Variants in NECTIN1 observed in about 807,000 individuals in gnomAD.
NECTIN1 encodes the protein nectin cell adhesion molecule 1, also known as nectin-1.
NECTIN1 carries 23 observed loss-of-function variants against 48.0 expected under a neutral mutation model. The observed-to-expected ratio is 0.48, with a 90% CI of 0.34 to 0.68. The LOEUF (loss-of-function observed/expected upper bound fraction) is 0.68. Among genes scored for constraint, NECTIN1 ranks in the 30% least tolerant of loss-of-function variants. NECTIN1 has a pLI of 0.01. For missense variants in NECTIN1, 591 were observed against 709.9 expected (o/e 0.83, Z 1.90); for synonymous variants, 270 against 288.9 (o/e 0.93, Z 0.66).
chr11:119,668,945 T>C (rs1864821944), intron 5 of NECTIN1, among the ~76,000 whole-genome samples: 1 of 152,184 alleles, frequency 6.6e-6, no homozygotes. Flanking sequence ...TATTGTTACA[T>C]TTGTGCTTTC....
chr11:119,666,883 C>T (rs897670938), intron 5 of NECTIN1, among the ~76,000 whole-genome samples: 5 of 152,088 alleles, frequency 3.3e-5, no homozygotes, highest in Admixed American at 1.3e-4. Context: ...GGAATTTGGG[C>T]GGGAAGGGCT....
Position 119,709,315 on chromosome 11 carries a change from C to G in NECTIN1, c.79+19160G>C, listed in dbSNP as rs751033172. On this transcript the variant is annotated intron_variant, in intron 1 of 5. Coordinates refer to ENST00000264025, the MANE Select transcript of NECTIN1 (RefSeq NM_002855.5). The surrounding 1 kb of genome is among the most constrained non-coding windows in gnomAD (Gnocchi z 4.1). The stretch of plus-strand genomic sequence containing the variant: ...CAGTGTACCAGGGCCTGTCTCAGCC[C>G]CTGAGAATCTGGGATCACCAGCTCC... 1.1e-4 allele frequency among the ~76,000 whole-genome samples: 17 copies of G among 152,298 alleles called. No homozygotes were observed. Among genetic ancestry groups the G allele is most frequent in the Admixed American group, 5.2e-4 (8 of 15,302 alleles).
Position 119,683,442 on chromosome 11 carries a change from T to C in NECTIN1, c.80-4677A>G, listed in dbSNP as rs943329594. 4.0e-5 allele frequency among the ~76,000 whole-genome samples: 6 copies of C among 151,888 alleles called. No individual in the cohort carries two copies. The highest frequency in any genetic ancestry group is 8.8e-5 in the Non-Finnish European group (6 of 67,956). ...GTGGTGTCCCTCCTAGAATATAACC[T>C]CAGTGCCTCCATTGCCCCTTGTGAG... On this transcript the variant is annotated intron_variant, in intron 1 of 5. Coordinates refer to ENST00000264025, the MANE Select transcript of NECTIN1 (RefSeq NM_002855.5). This position sits in a 1 kb window ranked among gnomAD's most constrained non-coding sequence, Gnocchi z 4.0.
At position 119,662,186 on chromosome 11, in the gene NECTIN1, AAGG is replaced by A. The variant is rs1864677655; in HGVS notation, c.*2558_*2560del. On this transcript the variant is annotated 3_prime_UTR_variant, in exon 6 of 6. Transcript: ENST00000264025. This position sits in a 1 kb window ranked among gnomAD's most constrained non-coding sequence, Gnocchi z 5.3. ...AAGCTCAGCTCATGCTGTGGGCATG[AAGG>A]AGAAGCAAAATGTCCTCATCTCTCT... The A allele has an allele frequency of 1.0e-6, 1 of 985,334 alleles. No individual in the cohort carries two copies. Among genetic ancestry groups the A allele is most frequent in the South Asian group, 4.7e-5 (1 of 21,288 alleles). 61.0% of individuals were successfully genotyped at this position (985,334 alleles called of 1,614,324 possible).
Position 119,672,760 on chromosome 11 carries a change from C to T in NECTIN1, c.1003+2399G>A, listed in dbSNP as rs1358897439. 6.6e-6 allele frequency among the ~76,000 whole-genome samples: 1 copy of T among 152,180 alleles called. No individual in the cohort carries two copies. The highest frequency in any genetic ancestry group is 1.5e-5 in the Non-Finnish European group (1 of 68,030). ...TCCAGCCATTTTCCTTCCCATGCTT[C>T]CCTGGCCTGGGCATCCCGCCCTCCA... On this transcript the variant is annotated intron_variant, in intron 5 of 5. Transcript: ENST00000264025. The surrounding 1 kb of genome is among the most constrained non-coding windows in gnomAD (Gnocchi z 4.3).
chr11:119,648,301 G>GTGGTGATGCTGGTGGTGGTGATGC (rs1864433415), intron 5 of NECTIN1, among the ~76,000 whole-genome samples: 1 of 12,920 alleles, frequency 7.7e-5, no homozygotes, highest in Non-Finnish European at 1.4e-4. Flanking sequence ...GGTGGTGGTG[G>GTGGTGATGCTGGTGGTGGTGATGC]TGGTGATGGT....
At chr11:119,705,207 A>C (rs1437511346) in intron 1 of NECTIN1, among the ~76,000 whole-genome samples, 1 of 152,166 alleles carries the variant, frequency 6.6e-6, no homozygotes, top group Non-Finnish European at 1.5e-5. Context: ...TGCATGCAGA[A>C]ACAGGGTGTG....
At chr11:119,728,016 G>T (rs546974700) in intron 1 of NECTIN1, among the ~76,000 whole-genome samples, 5 of 152,154 alleles carry the variant, frequency 3.3e-5, no homozygotes, top group Non-Finnish European at 7.4e-5. Context: ...CAAAGGGGCC[G>T]CCGAAAGAGA....
chr11:119,687,380 C>T (rs1474387906), intron 1 of NECTIN1: 1 of 152,210 alleles, frequency 6.6e-6, no homozygotes, highest in African/African-American at 2.4e-5. Context: ...CGGTTCATCG[C>T]CCCTCCCACC....
chr11:119,720,927 C>CCA (rs1281382029), intron 1 of NECTIN1, among the ~76,000 whole-genome samples: 2 of 152,180 alleles, frequency 1.3e-5, no homozygotes, highest in African/African-American at 4.8e-5. Flanking sequence ...TCCGTAGTGG[C>CCA]TGGCTCTTTC....
In NECTIN1 at chr11:119,694,010, T is replaced by C. The variant is rs570240651; in HGVS notation, c.80-15245A>G. On this transcript the variant is annotated intron_variant, in intron 1 of 5. Transcript: ENST00000264025. ...AAAACTAAAATATTGTGGGTGAATT[T>C]TGTGTATAAACAGGAAAGTCAAAGG... Among the ~76,000 whole-genome samples the C allele has an allele frequency of 2.6e-5, 4 of 152,310 alleles. No individual in the cohort carries two copies. The East Asian group carries it at 7.7e-4, about 29-fold the overall frequency.
chr11:119,675,602 C>A, intron 4 of NECTIN1: 1 of 360,398 alleles, frequency 2.8e-6, no homozygotes. Context: ...AGCTAGCAGG[C>A]AGCAGCATGG....
chr11:119,664,607 C>T lies in NECTIN1; in HGVS notation c.*140G>A. 3.5e-6 allele frequency: 5 copies of T among 1,442,262 alleles called. No homozygotes were observed. The highest frequency in any genetic ancestry group is 5.0e-5 in the East Asian group (2 of 39,822). The allele number at this position is 1,442,262 out of a possible 1,614,324, so 89.3% of individuals were successfully genotyped here. A position where few individuals can be genotyped will look rare whatever the true frequency, so the allele number is the denominator to read the frequency against. On this transcript the variant is annotated 3_prime_UTR_variant, in exon 6 of 6. Transcript: ENST00000264025. ...CGTGGCTGCCCTGGGCTCCCCTGGC[C>T]CCCCAGGAGTTCGGGGCTGGCTTTG... is the stretch of plus-strand genomic sequence containing the variant.
downstream of NECTIN1, among the ~76,000 whole-genome samples, chr11:119,656,721 G>A (rs904093739): frequency 6.6e-6 from 1 of 152,222 alleles, no homozygotes; most frequent in African/African-American, 2.4e-5. Flanking sequence ...TACTCAGGCA[G>A]AGAGCGGAGG....
chr11:119,675,288 C>T lies in NECTIN1; in HGVS notation c.874G>A (p.Gly292Ser). The change falls in exon 5 of 6, where the codon GGT (glycine) becomes AGT (serine). Residue 292 changes from glycine (G) to serine (S), a missense_variant. Physicochemically the swap from Gly to Ser is moderately conservative, Grantham distance 56. Coordinates refer to ENST00000264025, the MANE Select transcript of NECTIN1 (RefSeq NM_002855.5). Reference sequence around the variant, plus strand: ...AGGGTTCTGTTCTGGGCCTCCACACCCTTGGGGAGAGAGCCATTTAGCCTG... The same window carrying T: ...AGGGTTCTGTTCTGGGCCTCCACACTCTTGGGGAGAGAGCCATTTAGCCTG... ...WTTLNGSLPK[G>S]VEAQNRTLFF... 1 of 1,614,038 alleles carries T rather than the reference C, an allele frequency of 6.2e-7. No homozygotes were observed. Among genetic ancestry groups the T allele is most frequent in the Non-Finnish European group, 8.5e-7 (1 of 1,180,008 alleles).
chr11:119,658,154 G>A (rs1348132214), downstream of NECTIN1, among the ~76,000 whole-genome samples: 2 of 152,174 alleles, frequency 1.3e-5, no homozygotes, highest in Non-Finnish European at 2.9e-5. Flanking sequence ...AGCTCAAGAT[G>A]AGCTTGGATG....
intron 1 of NECTIN1, among the ~76,000 whole-genome samples, chr11:119,716,143 T>A (rs912254756): frequency 6.6e-6 from 1 of 151,956 alleles, no homozygotes; most frequent in Non-Finnish European, 1.5e-5. Flanking sequence ...ATCATCTGGG[T>A]TGGGGGGGCG....
chr11:119,690,372 A>G (rs1056689415), intron 1 of NECTIN1, among the ~76,000 whole-genome samples: 3 of 152,156 alleles, frequency 2.0e-5, no homozygotes, highest in South Asian at 2.1e-4. Context: ...TTGCCACCCT[A>G]TGAGCTCTGC....
chr11:119,678,991 A>T lies in NECTIN1; in HGVS notation c.80-226T>A, dbSNP rs1485280092. On this transcript the variant is annotated intron_variant, in intron 1 of 5. Coordinates refer to ENST00000264025, the MANE Select transcript of NECTIN1 (RefSeq NM_002855.5). The surrounding 1 kb of genome is among the most constrained non-coding windows in gnomAD (Gnocchi z 4.4). ...CTTCCGCTCAGGATAATCTTGAAGG[A>T]TCTATCTCCTTTTACTTTATATCTG... Among the ~76,000 whole-genome samples, 2 of 152,238 alleles carry T rather than the reference A, an allele frequency of 1.3e-5. No individual in the cohort carries two copies. The highest frequency in any genetic ancestry group is 2.9e-5 in the Non-Finnish European group (2 of 68,048).
Sources: gnomAD v4.1 joint callset for allele counts (sites outside exome capture counted in the v4.1 genomes callset) on GRCh38, gnomAD v4.1.1 for gene constraint, Gnocchi (gnomAD v3.1) non-coding constraint, MANE v1.5 for transcripts, NCBI Gene and HGNC (gene_info 2026-07-23, HGNC 2026-07-21) for gene names.